Variants in CYP3A4 observed in about 807,000 individuals in gnomAD.
The protein encoded by CYP3A4 is cytochrome P450 3A4.
CYP3A4 carries 41 observed loss-of-function variants against 54.9 expected under a neutral mutation model. The observed-to-expected ratio is 0.75, with a 90% CI of 0.58 to 0.97. The LOEUF is 0.97. Ranked by LOEUF, CYP3A4 falls within the 50% of genes least tolerant of loss-of-function variation. The pLI is 0.00. For synonymous variants in CYP3A4, 179 were observed against 205.2 expected, an observed-to-expected ratio of 0.87 and a Z score of 1.09; for missense variants, 510 against 597.3, an observed-to-expected ratio of 0.85 and a Z score of 1.52.
At chr7:99,769,946 G>A in intron 5 of CYP3A4, 90 bp from the exon 6 acceptor site, 2 of 1,595,374 alleles carry the variant, frequency 1.3e-6, no homozygotes, top group South Asian at 1.1e-5. Context: ...AGCAGTAAGT[G>A]ACATTTTATA....
At chr7:99,763,054 T>C (rs1301604949) in intron 10 of CYP3A4, among the ~76,000 whole-genome samples, 2 of 152,246 alleles carry the variant, frequency 1.3e-5, no homozygotes, top group South Asian at 2.1e-4. Flanking sequence ...GAGCCAGATA[T>C]CCTGGTTCCT....
At chr7:99,772,858 C>T (rs1183847696) in intron 3 of CYP3A4, among the ~76,000 whole-genome samples, 169 bp from the exon 4 acceptor site, 1 of 152,054 alleles carries the variant, frequency 6.6e-6, no homozygotes, top group Non-Finnish European at 1.5e-5. Context: ...AAGAGTCTGA[C>T]ACAGGAGCCA....
At position 99,758,036 on chromosome 7, in the gene CYP3A4, T is replaced by A. The variant is rs1815221938; in HGVS notation, c.*97A>T. 1.0e-6 allele frequency: 1 copy of A among 981,012 alleles called. No homozygotes were observed. Among genetic ancestry groups the A allele is most frequent in the Admixed American group, 1.8e-5 (1 of 55,092 alleles). 60.8% of individuals were successfully genotyped at this position (981,012 alleles called of 1,614,324 possible). Reference sequence around the variant, plus strand: ...TATGCAGTCCATTGGATGAAGCCCATCTTCATTTCAGAGTTCTATTCACAA... The same window carrying A: ...TATGCAGTCCATTGGATGAAGCCCAACTTCATTTCAGAGTTCTATTCACAA... On this transcript the variant is annotated 3_prime_UTR_variant, in exon 13 of 13. Transcript: ENST00000651514.
intron 2 of CYP3A4, 114 bp from the exon 3 acceptor site, chr7:99,778,194 G>A: frequency 1.3e-6 from 1 of 787,712 alleles, no homozygotes; most frequent in Non-Finnish European, 2.1e-6. Context: ...GGCAGTTAGA[G>A]GAAGCTTATT....
At chr7:99,758,423 C>T (rs1401775346) in intron 12 of CYP3A4, among the ~76,000 whole-genome samples, 195 bp from the exon 13 acceptor site, 2 of 152,118 alleles carry the variant, frequency 1.3e-5, no homozygotes, top group Admixed American at 6.5e-5. Flanking sequence ...CTACTTTCAG[C>T]ACTATAAATC....
intron 1 of CYP3A4, 51 bp from the exon 2 acceptor site, chr7:99,780,136 T>A: frequency 1.3e-6 from 2 of 1,563,054 alleles, no homozygotes; most frequent in Non-Finnish European, 1.8e-6. Flanking sequence ...TTTATAGATA[T>A]AGGGGTTGAT....
At chr7:99,765,310 A>G (rs1815446280) in intron 9 of CYP3A4, among the ~76,000 whole-genome samples, 1 of 152,236 alleles carries the variant, frequency 6.6e-6, no homozygotes, top group Non-Finnish European at 1.5e-5. Flanking sequence ...CAATAGCCAT[A>G]TGTGTCTAGT....
At chr7:99,779,495 C>T (rs961551664) in intron 2 of CYP3A4, among the ~76,000 whole-genome samples, 2 of 151,976 alleles carry the variant, frequency 1.3e-5, no homozygotes, top group Non-Finnish European at 2.9e-5. Context: ...TGCAAATGAC[C>T]CAAAGGTAAA....
intron 4 of CYP3A4, among the ~76,000 whole-genome samples, chr7:99,771,762 T>C (rs1372955558): frequency 6.6e-6 from 1 of 152,126 alleles, no homozygotes; most frequent in Non-Finnish European, 1.5e-5. Flanking sequence ...GGTGGAATAA[T>C]AAACACAGTG....
intron 4 of CYP3A4, among the ~76,000 whole-genome samples, chr7:99,770,929 A>G (rs1815619527): frequency 6.6e-6 from 1 of 152,116 alleles, no homozygotes; most frequent in Non-Finnish European, 1.5e-5. Context: ...TCCAGCATTC[A>G]TTTATGATAA....
chr7:99,767,565 C>T (rs1815508081), intron 7 of CYP3A4, among the ~76,000 whole-genome samples: 1 of 152,110 alleles, frequency 6.6e-6, no homozygotes, highest in Admixed American at 6.6e-5. Flanking sequence ...CTACAGTCTC[C>T]TAGAATAACC....
intron 2 of CYP3A4, 26 bp downstream of exon 2, chr7:99,779,966 A>C (rs1408651303): frequency 1.3e-6 from 2 of 1,596,996 alleles, no homozygotes; most frequent in Non-Finnish European, 8.6e-7. Context: ...CATAAGAAGC[A>C]AAAGAGTGAG....
chr7:99,773,012 A>G (rs374546041), intron 3 of CYP3A4, among the ~76,000 whole-genome samples: 11 of 152,286 alleles, frequency 7.2e-5, no homozygotes, highest in African/African-American at 2.6e-4. Flanking sequence ...GATATTTCCC[A>G]TGCCATTCTC....
intron 1 of CYP3A4, among the ~76,000 whole-genome samples, chr7:99,782,122 C>T (rs1047859994): frequency 4.6e-5 from 7 of 152,224 alleles, no homozygotes; most frequent in African/African-American, 1.7e-4. Flanking sequence ...TTTGTTGTCA[C>T]AGCCATGGCA....
At position 99,784,113 on chromosome 7, in the gene CYP3A4, A is replaced by G. The variant is rs756795061; in HGVS notation, c.-32T>C. On this transcript the variant is annotated 5_prime_UTR_variant, in exon 1 of 13. Transcript: ENST00000651514. ...TTTCCTTACTTATCTCTCTCCTCTG[A>G]GTCTTCCTTTCAGCTCTGTGTTGCT... The G allele has an allele frequency of 1.3e-6, 2 of 1,594,624 alleles. No individual in the cohort carries two copies. The highest frequency in any genetic ancestry group is 1.3e-5 in the African/African-American group (1 of 74,424).
chr7:99,769,543 T>A (rs1815572571), intron 6 of CYP3A4: 1 of 556,886 alleles, frequency 1.8e-6, no homozygotes, highest in Non-Finnish European at 3.2e-6. Context: ...TTAATGGATA[T>A]GTAAACCCTG....
chr7:99,760,127 G>C (rs1815282012), intron 12 of CYP3A4, among the ~76,000 whole-genome samples: 7 of 152,136 alleles, frequency 4.6e-5, no homozygotes, highest in Admixed American at 4.6e-4. Flanking sequence ...GAGCCACCAT[G>C]CCTGGCTGGG....
chr7:99,771,326 A>G (rs1421940513), intron 4 of CYP3A4, among the ~76,000 whole-genome samples: 1 of 152,208 alleles, frequency 6.6e-6, no homozygotes, highest in Admixed American at 6.5e-5. Context: ...AACAACAATC[A>G]ATATCTGAAA....
chr7:99,762,123 C>T lies in CYP3A4; in HGVS notation c.1171G>A (p.Gly391Arg). The T allele has an allele frequency of 6.2e-7, 1 of 1,614,050 alleles. No homozygotes were observed. Among genetic ancestry groups the T allele is most frequent in the Non-Finnish European group, 8.5e-7 (1 of 1,179,980 alleles). The change falls in exon 11 of 13, where the codon GGG becomes AGG. Residue 391 changes from glycine to arginine, a missense_variant. Physicochemically the swap from Gly to Arg is moderately radical, Grantham distance 125. Around this residue, in one of 2 missense-constraint regions of CYP3A4, gnomAD observed 238 missense variants for 322.5 expected, o/e 0.74. Coordinates refer to ENST00000651514, the MANE Select transcript of CYP3A4 (RefSeq NM_017460.6). Reference protein sequence around the residue: ...VEINGMFIPKGVVVMIPSYAL... With the variant: ...VEINGMFIPKRVVVMIPSYAL... ...TAGCTTGGAATCATCACCACCACCC[C>T]TTTGGGAATGAACATCCCATTGATC...
Sources: gnomAD v4.1 joint callset for allele counts (sites outside exome capture counted in the v4.1 genomes callset) on GRCh38, gnomAD v4.1.1 for gene constraint, gnomAD v4.1.1 regional missense constraint, MANE v1.5 for transcripts, NCBI Gene and HGNC (gene_info 2026-07-23, HGNC 2026-07-21) for gene names.